The following NRCAM variants were observed in gnomAD, a reference collection of about 807,000 sequenced individuals.
NRCAM encodes the protein neuronal cell adhesion molecule.
NRCAM carries 83 observed loss-of-function variants against 156.5 expected under a neutral mutation model. That is an observed-to-expected ratio of 0.53 (90% CI 0.44 to 0.64). The LOEUF (loss-of-function observed/expected upper bound fraction) is 0.64, where lower values mean the gene tolerates loss of function less well. Ranked by LOEUF, NRCAM falls within the 30% of genes least tolerant of loss-of-function variation. The pLI is 0.00. For synonymous variants in NRCAM, 538 were observed against 563.9 expected, an observed-to-expected ratio of 0.95 and a Z score of 0.65; for missense variants, 1,417 against 1,597.3, an observed-to-expected ratio of 0.89 and a Z score of 1.92.
At chr7:108,300,186 T>C (rs963581802) in intron 3 of NRCAM, among the ~76,000 whole-genome samples, 16 of 145,408 alleles carry the variant, frequency 1.1e-4, no homozygotes, top group African/African-American at 4.1e-4. Context: ...TTTTTTTTTT[T>C]TTTACAAAAG....
chr7:108,306,132 T>A (rs2098711479), intron 3 of NRCAM, among the ~76,000 whole-genome samples: 1 of 152,232 alleles, frequency 6.6e-6, no homozygotes, highest in Admixed American at 6.5e-5. Context: ...GACCTTTGAA[T>A]AGTCTTGTCA....
intron 1 of NRCAM, among the ~76,000 whole-genome samples, chr7:108,449,568 T>C (rs1227705522): frequency 2.6e-5 from 4 of 152,192 alleles, no homozygotes; most frequent in African/African-American, 7.2e-5. Context: ...ACAAAACTCT[T>C]TGGACAGGCC....
chr7:108,189,942 G>A (rs2070053390), intron 19 of NRCAM, among the ~76,000 whole-genome samples, 196 bp from the exon 20 acceptor site: 1 of 152,182 alleles, frequency 6.6e-6, no homozygotes, highest in Non-Finnish European at 1.5e-5. Context: ...ACCCATCAAT[G>A]AGTTCTGCTC....
At chr7:108,389,910 T>C (rs2099754116) in intron 2 of NRCAM, among the ~76,000 whole-genome samples, 1 of 152,200 alleles carries the variant, frequency 6.6e-6, no homozygotes, top group African/African-American at 2.4e-5. Flanking sequence ...TGAAGCCCAC[T>C]TGATCATGGT....
intron 2 of NRCAM, among the ~76,000 whole-genome samples, chr7:108,373,505 A>G (rs1750864368): frequency 6.6e-6 from 1 of 152,194 alleles, no homozygotes; most frequent in African/African-American, 2.4e-5. Flanking sequence ...TCAGATCCAA[A>G]TCTACCATGA....
At position 108,223,788 on chromosome 7, in the gene NRCAM, T is replaced by A; in HGVS notation, c.827A>T (p.Asn276Ile). Residue 276 changes from asparagine (N) to isoleucine (I), a missense_variant, in exon 11 of 33, where the codon AAT (asparagine) becomes ATT (isoleucine). By Grantham distance (149) the Asn-to-Ile change is moderately radical. Around this residue, in one of 2 missense-constraint regions of NRCAM, gnomAD observed 1,238 missense variants for 1,336.4 expected, o/e 0.93. Transcript: ENST00000379028. ...RPPTFLTPEG[N>I]ASNKEELRGN... ...TCTTAATTCCTCTTTGTTACTTGCA[T>A]TGCCTTCTGGAGTTAAAAATGTTGG... 6.2e-7 allele frequency: 1 copy of A among 1,612,092 alleles called. No homozygotes were observed. Among genetic ancestry groups the A allele is most frequent in the Non-Finnish European group, 8.5e-7 (1 of 1,178,350 alleles).
At chr7:108,294,119 T>C (rs1056569221) in intron 3 of NRCAM, among the ~76,000 whole-genome samples, 3 of 151,534 alleles carry the variant, frequency 2.0e-5, no homozygotes, top group African/African-American at 4.8e-5. Flanking sequence ...TTGATGGCAA[T>C]TGCTGTAGGA....
At chr7:108,293,807 A>G (rs939437827) in intron 3 of NRCAM, among the ~76,000 whole-genome samples, 2 of 152,212 alleles carry the variant, frequency 1.3e-5, no homozygotes, top group African/African-American at 4.8e-5. Flanking sequence ...GAGCTTACGT[A>G]ACTTGTATAA....
Position 108,280,553 on chromosome 7 carries a change from T to C in NRCAM, c.-107+32112A>G, listed in dbSNP as rs1263136131. 5.3e-5 allele frequency among the ~76,000 whole-genome samples: 8 copies of C among 152,304 alleles called. No individual in the cohort carries two copies. In the East Asian group the frequency reaches 1.5e-3, roughly 29 times the overall value. On this transcript the variant is annotated intron_variant, in intron 3 of 32. Transcript: ENST00000379028. ...AATGAAAGATGAAACCCTAAATATA[T>C]CTGAAGTGAATTTTTTCATTGAACT...
intron 2 of NRCAM, among the ~76,000 whole-genome samples, chr7:108,365,301 A>C (rs1468040614): frequency 6.6e-6 from 1 of 152,270 alleles, no homozygotes; most frequent in East Asian, 1.9e-4. Context: ...ATTACATTTT[A>C]ATGTATTATA....
At chr7:108,152,697 C>T (rs1048192695) in intron 32 of NRCAM, among the ~76,000 whole-genome samples, 11 of 152,110 alleles carry the variant, frequency 7.2e-5, no homozygotes, top group African/African-American at 2.4e-4. Context: ...GCTGCTTTAG[C>T]ACTACAATAG....
At chr7:108,334,357 T>C (rs2154254386) in intron 2 of NRCAM, among the ~76,000 whole-genome samples, 1 of 152,300 alleles carries the variant, frequency 6.6e-6, no homozygotes, top group South Asian at 2.1e-4. Context: ...ACAGGTTAGA[T>C]TTCCATTGCC....
chr7:108,255,183 C>A (rs2096570874), intron 3 of NRCAM, among the ~76,000 whole-genome samples: 1 of 149,584 alleles, frequency 6.7e-6, no homozygotes, highest in African/African-American at 2.5e-5. Flanking sequence ...CCCCCCTGCC[C>A]CTCCCACTTT....
chr7:108,343,472 A>G (rs1269812735), intron 2 of NRCAM, among the ~76,000 whole-genome samples: 1 of 152,190 alleles, frequency 6.6e-6, no homozygotes, highest in Non-Finnish European at 1.5e-5. Flanking sequence ...TGCCAAGCGG[A>G]CATTGAAGCA....
chr7:108,395,146 C>T (rs1409119376), intron 2 of NRCAM, among the ~76,000 whole-genome samples: 1 of 152,162 alleles, frequency 6.6e-6, no homozygotes, highest in African/African-American at 2.4e-5. Context: ...AGTCATTAAT[C>T]CATATTATGC....
At chr7:108,255,113 G>A (rs989924232) in intron 3 of NRCAM, among the ~76,000 whole-genome samples, 46 of 152,140 alleles carry the variant, frequency 3.0e-4, no homozygotes, top group African/African-American at 9.4e-4. Context: ...AACAACATGC[G>A]GCATGGATGA....
chr7:108,174,834 T>A (rs543620379), intron 28 of NRCAM, among the ~76,000 whole-genome samples: 2 of 152,244 alleles, frequency 1.3e-5, no homozygotes, highest in African/African-American at 4.8e-5. Context: ...TTGGAGGGCA[T>A]TGCTACGCTG....
At chr7:108,290,971 G>C (rs1591922807) in intron 3 of NRCAM, among the ~76,000 whole-genome samples, 1 of 152,210 alleles carries the variant, frequency 6.6e-6, no homozygotes, top group East Asian at 1.9e-4. Context: ...CTGGAGTTAA[G>C]AGTGCTCACA....
intron 3 of NRCAM, among the ~76,000 whole-genome samples, chr7:108,299,754 G>A (rs1046218006): frequency 6.6e-6 from 1 of 152,148 alleles, no homozygotes; most frequent in Non-Finnish European, 1.5e-5. Flanking sequence ...AAGTCTCAAG[G>A]CCAAGTGCAG....
Sources: gnomAD v4.1 joint callset for allele counts (sites outside exome capture counted in the v4.1 genomes callset) on GRCh38, gnomAD v4.1.1 for gene constraint, gnomAD v4.1.1 regional missense constraint, MANE v1.5 for transcripts, NCBI Gene and HGNC (gene_info 2026-07-23, HGNC 2026-07-21) for gene names.